Variants in DYNC2H1 observed in about 807,000 individuals in gnomAD.
DYNC2H1 encodes the protein dynein cytoplasmic 2 heavy chain 1.
A neutral mutation model predicts 570.0 loss-of-function variants in DYNC2H1; 410 were observed. The observed-to-expected ratio is 0.72, with a 90% CI of 0.66 to 0.78. DYNC2H1 has a LOEUF of 0.78. DYNC2H1 is among the 30% of genes least tolerant of loss of function. The probability of loss-of-function intolerance (pLI) is 0.00; values close to 1 mark genes in which losing one functional copy is unlikely to be tolerated. For synonymous variants in DYNC2H1, 1,688 were observed against 1,677.6 expected (o/e 1.01, Z -0.15); for missense variants, 4,865 against 5,046.4 (o/e 0.96, Z 1.09).
intron 79 of DYNC2H1, among the ~76,000 whole-genome samples, chr11:103,312,556 A>AC (rs1253450432): frequency 7.5e-6 from 1 of 133,714 alleles, no homozygotes; most frequent in Non-Finnish European, 1.6e-5. Flanking sequence ...AAAAAAAAAA[A>AC]AAAAAAAAAA....
At chr11:103,274,289 G>A (rs184901986) in intron 70 of DYNC2H1, among the ~76,000 whole-genome samples, 2 of 152,196 alleles carry the variant, frequency 1.3e-5, no homozygotes, top group East Asian at 3.9e-4. Context: ...GAGTCCAGGA[G>A]TTTGAGGCTG....
chr11:103,273,119 C>CTCCCT (rs1398933276), intron 70 of DYNC2H1, among the ~76,000 whole-genome samples: 1 of 145,692 alleles, frequency 6.9e-6, no homozygotes, highest in Non-Finnish European at 1.5e-5. Context: ...TCATTTTTTT[C>CTCCCT]TCCCTTCCCT....
chr11:103,322,594 G>C (rs1458449393), intron 81 of DYNC2H1, among the ~76,000 whole-genome samples: 1 of 152,050 alleles, frequency 6.6e-6, no homozygotes, highest in Non-Finnish European at 1.5e-5. Flanking sequence ...GTACAAGTAA[G>C]GGTAAATCAG....
chr11:103,477,809 C>T (rs865840113), intron 88 of DYNC2H1, among the ~76,000 whole-genome samples: 16 of 110,398 alleles, frequency 1.4e-4, no homozygotes, highest in Admixed American at 1.1e-3. Context: ...CCAGCCGGGG[C>T]GACAGAGCAA....
At chr11:103,380,976 A>G (rs2135578534) in intron 83 of DYNC2H1, among the ~76,000 whole-genome samples, 1 of 152,334 alleles carries the variant, frequency 6.6e-6, no homozygotes, top group South Asian at 2.1e-4. Flanking sequence ...GAAAGGGGTT[A>G]ATATCATGCT....
At position 103,201,942 on chromosome 11, in the gene DYNC2H1, A is replaced by C. The variant is rs1236320155; in HGVS notation, c.8198-1721A>C. 6.6e-6 allele frequency among the ~76,000 whole-genome samples: 1 copy of C among 152,170 alleles called. No homozygotes were observed. Among genetic ancestry groups the C allele is most frequent in the Non-Finnish European group, 1.5e-5 (1 of 68,026 alleles). ...GTATCACTGTGGGGATCAAAGGACA[A>C]AGTTATATGAACTCATTTTCAACTC... On this transcript the variant is annotated intron_variant, in intron 50 of 88. Coordinates refer to ENST00000375735, the MANE Select transcript of DYNC2H1 (RefSeq NM_001377.3). This position sits in a 1 kb window ranked among gnomAD's most constrained non-coding sequence, Gnocchi z 4.8.
At chr11:103,445,894 C>T (rs773024666) in intron 85 of DYNC2H1, among the ~76,000 whole-genome samples, 2 of 152,192 alleles carry the variant, frequency 1.3e-5, no homozygotes, top group South Asian at 2.1e-4. Flanking sequence ...CCTCGTGATC[C>T]GCCCGCCTCG....
chr11:103,449,709 T>C (rs886550529), intron 85 of DYNC2H1, among the ~76,000 whole-genome samples: 5 of 152,128 alleles, frequency 3.3e-5, no homozygotes, highest in Non-Finnish European at 7.4e-5. Context: ...AATTAAAAAA[T>C]AATGATCTTA....
At chr11:103,257,800 T>C in intron 69 of DYNC2H1, 49 bp downstream of exon 69, 1 of 1,416,338 alleles carries the variant, frequency 7.1e-7, no homozygotes, top group Non-Finnish European at 9.3e-7. Flanking sequence ...AGGGATTACT[T>C]TACTAGGGAT....
intron 31 of DYNC2H1, 116 bp from the exon 32 acceptor site, chr11:103,168,639 G>A: frequency 9.3e-7 from 1 of 1,080,178 alleles, no homozygotes; most frequent in Non-Finnish European, 1.3e-6. Context: ...CCATTCATAT[G>A]TGTCATGAAA....
At position 103,395,058 on chromosome 11, in the gene DYNC2H1, A is replaced by G. The variant is rs1026997353; in HGVS notation, c.12157-4605A>G. Among the ~76,000 whole-genome samples, 1 of 152,176 alleles carries G rather than the reference A, an allele frequency of 6.6e-6. No individual in the cohort carries two copies. The highest frequency in any genetic ancestry group is 2.4e-5 in the African/African-American group (1 of 41,450). On this transcript the variant is annotated intron_variant, in intron 83 of 88. Transcript: ENST00000375735. This position sits in a 1 kb window ranked among gnomAD's most constrained non-coding sequence, Gnocchi z 4.3. ...AATTTAATGCAGATATGTACATAAT[A>G]TACAGACATGCAGATATGGGCATAA...
intron 88 of DYNC2H1, among the ~76,000 whole-genome samples, chr11:103,477,633 C>A (rs988865728): frequency 6.6e-6 from 1 of 151,854 alleles, no homozygotes; most frequent in Non-Finnish European, 1.5e-5. Context: ...AGATGGAGAC[C>A]ATCCTGGCTA....
In DYNC2H1 at chr11:103,169,036, T is replaced by C. The variant is rs1861458674; in HGVS notation, c.4968+76T>C. 7.0e-6 allele frequency: 9 copies of C among 1,284,914 alleles called. No individual in the cohort carries two copies. In the Admixed American group the frequency reaches 2.4e-4, roughly 35 times the overall value. The allele number at this position is 1,284,914 out of a possible 1,614,324, so 79.6% of individuals were successfully genotyped here. ...AAAGAAAATTTGTTATTGGTAGAAA[T>C]ACTTTTTTATTTAAGTAGTAATTTT... is the stretch of plus-strand genomic sequence containing the variant. On this transcript the variant is annotated intron_variant, in intron 32 of 88. Transcript: ENST00000375735.
At position 103,204,954 on chromosome 11, in the gene DYNC2H1, G is replaced by A. The variant is rs1565394254; in HGVS notation, c.8444G>A (p.Ser2815Asn). 1 of 1,575,848 alleles carries A rather than the reference G, an allele frequency of 6.3e-7. No homozygotes were observed. Among genetic ancestry groups the A allele is most frequent in the South Asian group, 1.2e-5 (1 of 84,404 alleles). The change falls in exon 52 of 89, where the codon AGT becomes AAT. Residue 2815 changes from serine to asparagine, a missense_variant. By Grantham distance (46) the Ser-to-Asn change is conservative. Coordinates refer to ENST00000375735, the MANE Select transcript of DYNC2H1 (RefSeq NM_001377.3). This position sits in a 1 kb window ranked among gnomAD's most constrained non-coding sequence, Gnocchi z 4.1. ...TGGATGGAGGGTTGGTCCAATAGCA[G>A]TATGAAGAAAGTAAGTTTAACAAAT... is the stretch of plus-strand genomic sequence containing the variant. ...VLWMEGWSNS[S>N]MKKIPEMLFS...
chr11:103,198,160 T>G (rs1220793777), intron 48 of DYNC2H1, 97 bp downstream of exon 48: 2 of 1,341,382 alleles, frequency 1.5e-6, no homozygotes, highest in Non-Finnish European at 2.0e-6. Flanking sequence ...TATGATAGAT[T>G]GTAGAATAGG....
intron 83 of DYNC2H1, among the ~76,000 whole-genome samples, chr11:103,390,864 C>T (rs1942116783): frequency 6.6e-6 from 1 of 152,180 alleles, no homozygotes; most frequent in African/African-American, 2.4e-5. Flanking sequence ...GCCAAGAGAT[C>T]AGCTGTTAGT....
rs763754494 is a variant in DYNC2H1, at chr11:103,158,986, A to G, written c.4337A>G (p.Asn1446Ser). The change falls in exon 28 of 89, where the codon AAC becomes AGC. Residue 1446 changes from asparagine (N) to serine (S), a missense_variant. By Grantham distance (46) the Asn-to-Ser change is conservative. Coordinates refer to ENST00000375735, the MANE Select transcript of DYNC2H1 (RefSeq NM_001377.3). The part of the protein sequence containing the change: ...DLLEILGQST[N>S]PSVIQSHLKK... ...TTAGAAATATTGGGCCAGTCTACCA[A>G]CCCATCAGTGATTCAGTCTCACCTG... 1 of 1,613,544 alleles carries G rather than the reference A, an allele frequency of 6.2e-7. No homozygotes were observed. The highest frequency in any genetic ancestry group is 8.5e-7 in the Non-Finnish European group (1 of 1,179,732).
intron 28 of DYNC2H1, 85 bp downstream of exon 28, chr11:103,159,112 G>A (rs2134909446): frequency 4.0e-6 from 4 of 1,008,902 alleles, no homozygotes; most frequent in Middle Eastern, 2.1e-4. Flanking sequence ...GTAGACTACT[G>A]AATACAGCAG....
At chr11:103,208,075 G>A (rs1445404622) in intron 52 of DYNC2H1, among the ~76,000 whole-genome samples, 1 of 152,042 alleles carries the variant, frequency 6.6e-6, no homozygotes, top group Non-Finnish European at 1.5e-5. Context: ...ATGTTTGAAA[G>A]TGAGATTATG....
Sources: allele counts gnomAD v4.1 joint callset (sites outside exome capture counted in the v4.1 genomes callset), GRCh38; gene constraint gnomAD v4.1.1; non-coding constraint Gnocchi (gnomAD v3.1); transcripts MANE v1.5; gene names NCBI Gene and HGNC (gene_info 2026-07-23, HGNC 2026-07-21).